Variants in ARB2A observed in about 807,000 individuals in gnomAD.
The protein encoded by ARB2A is ARB2 cotranscriptional regulator A, also known as cotranscriptional regulator ARB2A.
the ARB2A span, among the ~76,000 whole-genome samples, chr5:93,746,015 AGTACTTTAAG>A: frequency 6.6e-6 from 1 of 152,222 alleles, no homozygotes; most frequent in Non-Finnish European, 1.5e-5. Flanking sequence ...CTGGCAGCTG[AGTACTTTAAG>A]GAATGATGCC....
chr5:93,769,824 G>A, the ARB2A span, among the ~76,000 whole-genome samples: 1 of 152,104 alleles, frequency 6.6e-6, no homozygotes, highest in African/African-American at 2.4e-5. Context: ...GATATGTGCT[G>A]GGGAATGTAT....
the ARB2A span, among the ~76,000 whole-genome samples, chr5:93,821,981 T>C: frequency 1.3e-5 from 2 of 152,016 alleles, no homozygotes; most frequent in African/African-American, 4.8e-5. Flanking sequence ...TTACATTAAA[T>C]AGACTTCTCA....
At chr5:94,031,887 T>C in the ARB2A span, among the ~76,000 whole-genome samples, 3 of 152,228 alleles carry the variant, frequency 2.0e-5, no homozygotes, top group East Asian at 1.9e-4. Context: ...CACAATGCCA[T>C]GGCTCAAGTG....
the ARB2A span, among the ~76,000 whole-genome samples, chr5:93,923,564 G>C: frequency 1.3e-5 from 2 of 152,166 alleles, no homozygotes; most frequent in Non-Finnish European, 2.9e-5. Context: ...GCTCATGCCT[G>C]TAATCACAGA....
the ARB2A span, among the ~76,000 whole-genome samples, chr5:93,990,709 C>A: frequency 1.3e-5 from 2 of 148,542 alleles, no homozygotes; most frequent in African/African-American, 2.5e-5. Flanking sequence ...AGTATTTGGA[C>A]ATCTGGACAT....
the ARB2A span, among the ~76,000 whole-genome samples, chr5:93,997,977 C>A: frequency 6.6e-6 from 1 of 151,660 alleles, no homozygotes; most frequent in Non-Finnish European, 1.5e-5. Context: ...CAAAAAGATT[C>A]CCATAGCATA....
At chr5:94,059,596 G>A in the ARB2A span, among the ~76,000 whole-genome samples, 1 of 146,218 alleles carries the variant, frequency 6.8e-6, no homozygotes, top group African/African-American at 2.5e-5. Flanking sequence ...ACTCCAGCCT[G>A]GGTGACAGAG....
At chr5:93,865,263 A>T in the ARB2A span, 1 of 332,824 alleles carries the variant, frequency 3.0e-6, no homozygotes, top group Non-Finnish European at 4.3e-6. Context: ...TTGTATTTTT[A>T]ATAGAGATGG....
the ARB2A span, among the ~76,000 whole-genome samples, chr5:93,929,966 T>C: frequency 6.6e-6 from 1 of 152,198 alleles, no homozygotes; most frequent in African/African-American, 2.4e-5. Flanking sequence ...AGGGTTATGA[T>C]GCTTACATGA....
At chr5:93,768,340 C>A in the ARB2A span, among the ~76,000 whole-genome samples, 4 of 151,070 alleles carry the variant, frequency 2.6e-5, no homozygotes, top group South Asian at 4.2e-4. Context: ...ACCCCAATAA[C>A]CTATGGGAAA....
the ARB2A span, among the ~76,000 whole-genome samples, chr5:93,635,459 G>GTTT: frequency 6.8e-4 from 88 of 128,912 alleles, 2 homozygotes; most frequent in African/African-American, 1.6e-3. Flanking sequence ...TTATACGAAA[G>GTTT]TTTTTTTTTT....
At chr5:93,762,892 A>T in the ARB2A span, among the ~76,000 whole-genome samples, 1 of 152,244 alleles carries the variant, frequency 6.6e-6, no homozygotes, top group Non-Finnish European at 1.5e-5. Flanking sequence ...GTGGGGGCCA[A>T]TATTCAACAT....
the ARB2A span, among the ~76,000 whole-genome samples, chr5:93,982,415 T>C: frequency 6.6e-6 from 1 of 152,218 alleles, no homozygotes; most frequent in Non-Finnish European, 1.5e-5. Context: ...TATATATGTA[T>C]GTACATGCAC....
chr5:94,063,526 C>G, the ARB2A span, among the ~76,000 whole-genome samples: 1 of 152,170 alleles, frequency 6.6e-6, no homozygotes, highest in African/African-American at 2.4e-5. Context: ...CCACTATAGG[C>G]ACACAAGTAA....
the ARB2A span, among the ~76,000 whole-genome samples, chr5:94,037,542 T>C: frequency 6.6e-6 from 1 of 152,134 alleles, no homozygotes; most frequent in Non-Finnish European, 1.5e-5. Context: ...TTAAAGAATA[T>C]AAAATAATAT....
chr5:94,029,102 C>T, the ARB2A span, among the ~76,000 whole-genome samples: 1 of 152,098 alleles, frequency 6.6e-6, no homozygotes, highest in African/African-American at 2.4e-5. Context: ...AGCGATTTTC[C>T]CACCTCATCA....
At chr5:93,804,496 CAAT>C in the ARB2A span, among the ~76,000 whole-genome samples, 18 of 151,638 alleles carry the variant, frequency 1.2e-4, no homozygotes, top group African/African-American at 3.6e-4. Flanking sequence ...ATTATACTTT[CAAT>C]AATAATTCAA....
chr5:94,088,975 C>T, the ARB2A span, among the ~76,000 whole-genome samples: 2 of 152,052 alleles, frequency 1.3e-5, no homozygotes, highest in Non-Finnish European at 2.9e-5. Flanking sequence ...CTCAGTCCTT[C>T]AACATGATGT....
chr5:94,027,974 A>G, the ARB2A span, among the ~76,000 whole-genome samples: 117 of 152,294 alleles, frequency 7.7e-4, no homozygotes, highest in African/African-American at 2.3e-3. Context: ...GCTGGTGTCC[A>G]TTTGCAAAAC....
Sources: allele counts gnomAD v4.1 joint callset (sites outside exome capture counted in the v4.1 genomes callset), GRCh38; gene constraint gnomAD v4.1.1; transcripts MANE v1.5; gene names NCBI Gene and HGNC (gene_info 2026-07-23, HGNC 2026-07-21).